Variants in FAM13A observed in about 807,000 individuals in gnomAD.
The protein encoded by FAM13A is protein FAM13A.
In FAM13A, 76 loss-of-function variants were observed where a neutral mutation model predicts 129.6. That is an observed-to-expected ratio of 0.59 (90% CI 0.49 to 0.71). FAM13A has a LOEUF of 0.71. FAM13A is among the 30% of genes least tolerant of loss of function. The pLI, the probability that FAM13A is intolerant of heterozygous loss-of-function variation, is 0.00. For synonymous variants in FAM13A, 443 were observed against 449.9 expected (o/e 0.98, Z 0.20); for missense variants, 1,108 against 1,249.3 (o/e 0.89, Z 1.70).
intron 5 of FAM13A, among the ~76,000 whole-genome samples, chr4:88,913,407 A>G (rs914658535): frequency 3.5e-5 from 5 of 143,800 alleles, no homozygotes; most frequent in Admixed American, 2.8e-4. Context: ...AAGAAGAAGA[A>G]GTAGTAGAAG....
intron 4 of FAM13A, among the ~76,000 whole-genome samples, chr4:88,944,239 C>G (rs1483198485): frequency 6.6e-6 from 1 of 152,152 alleles, no homozygotes; most frequent in Non-Finnish European, 1.5e-5. Flanking sequence ...ATGGTTCCAG[C>G]TACCCAGGAG....
chr4:89,034,926 T>G (rs1769172474), intron 1 of FAM13A, among the ~76,000 whole-genome samples: 1 of 152,132 alleles, frequency 6.6e-6, no homozygotes. Flanking sequence ...ATATATGTGC[T>G]CATATGTTTA....
chr4:89,011,284 G>A (rs1765698987), intron 3 of FAM13A, among the ~76,000 whole-genome samples: 1 of 152,162 alleles, frequency 6.6e-6, no homozygotes, highest in Admixed American at 6.5e-5. Flanking sequence ...ACTGGATAGT[G>A]GTGATGGTTG....
In FAM13A at chr4:88,851,013, T is replaced by C. The variant is rs201367284; in HGVS notation, c.1007+7A>G. ...ATGGATTGTGTAGATAAAGAAAACA[T>C]GCCAACCTGGGTACCAACTTGGCAC... is the stretch of plus-strand genomic sequence containing the variant. On this transcript the variant is annotated splice_region_variant and intron_variant, in intron 7 of 23. Coordinates refer to ENST00000264344, the MANE Select transcript of FAM13A (RefSeq NM_014883.4). 48 of 1,613,524 alleles carry C rather than the reference T, an allele frequency of 3.0e-5. No individual in the cohort carries two copies. The African/African-American group carries it at 6.3e-4, about 21-fold the overall frequency.
At chr4:88,934,820 T>A (rs1753595635) in intron 5 of FAM13A, among the ~76,000 whole-genome samples, 1 of 152,204 alleles carries the variant, frequency 6.6e-6, no homozygotes, top group Non-Finnish European at 1.5e-5. Flanking sequence ...TTTGCCAAAT[T>A]CAACAAAATG....
intron 19 of FAM13A, among the ~76,000 whole-genome samples, chr4:88,741,223 A>C (rs970540077): frequency 2.0e-5 from 3 of 152,232 alleles, no homozygotes; most frequent in Non-Finnish European, 2.9e-5. Flanking sequence ...CTATAATCCC[A>C]AACTGGAAAT....
chr4:89,029,735 T>C (rs1560874560), intron 1 of FAM13A, 86 bp from the exon 2 acceptor site: 4 of 1,142,912 alleles, frequency 3.5e-6, no homozygotes, highest in Non-Finnish European at 5.1e-6. Context: ...TGAATTAAAA[T>C]GTGTTTGAAG....
intron 8 of FAM13A, among the ~76,000 whole-genome samples, chr4:88,794,566 C>T (rs1725781799): frequency 6.6e-6 from 1 of 151,778 alleles, no homozygotes; most frequent in Admixed American, 6.6e-5. Context: ...AAAATGGAGA[C>T]ATCTTGAAAA....
At chr4:88,945,990 G>GTATATATATATATATATATATA (rs199936059) in intron 4 of FAM13A, among the ~76,000 whole-genome samples, 25 of 61,916 alleles carry the variant, frequency 4.0e-4, no homozygotes, top group South Asian at 6.1e-4. Context: ...GTGTGTGTGT[G>GTATATATATATATATATATATA]TATATATATA....
At chr4:88,953,841 C>G (rs1185987658) in intron 4 of FAM13A, among the ~76,000 whole-genome samples, 1 of 152,090 alleles carries the variant, frequency 6.6e-6, no homozygotes, top group Non-Finnish European at 1.5e-5. Flanking sequence ...ATTTGTTTGT[C>G]TATTCATTCA....
At chr4:88,885,317 T>C (rs750351302) in intron 6 of FAM13A, among the ~76,000 whole-genome samples, 15 of 152,080 alleles carry the variant, frequency 9.9e-5, no homozygotes, top group African/African-American at 3.6e-4. Flanking sequence ...AATAGGCACA[T>C]AGACCAATGA....
intron 7 of FAM13A, among the ~76,000 whole-genome samples, chr4:88,823,844 T>C (rs921265840): frequency 6.6e-6 from 1 of 152,232 alleles, no homozygotes; most frequent in Non-Finnish European, 1.5e-5. Context: ...ATACGTGCCC[T>C]AAGTCTCTGC....
intron 13 of FAM13A, chr4:88,759,527 A>G (rs1744382703): frequency 6.6e-6 from 1 of 152,208 alleles, no homozygotes; most frequent in Non-Finnish European, 1.5e-5. Flanking sequence ...CAAACAGCAC[A>G]GGGGATTGGC....
chr4:88,887,490 T>C (rs1200417042), intron 6 of FAM13A, among the ~76,000 whole-genome samples: 1 of 151,852 alleles, frequency 6.6e-6, no homozygotes, highest in East Asian at 1.9e-4. Flanking sequence ...AAAATAACTC[T>C]CTGGTAATTA....
intron 3 of FAM13A, among the ~76,000 whole-genome samples, chr4:89,006,226 A>C (rs1367139271): frequency 6.6e-6 from 1 of 152,090 alleles, no homozygotes; most frequent in Non-Finnish European, 1.5e-5. Context: ...ATAGGTGTGC[A>C]GCCTTATTTC....
chr4:89,048,972 A>G (rs1023057350), intron 1 of FAM13A, among the ~76,000 whole-genome samples: 1 of 152,262 alleles, frequency 6.6e-6, no homozygotes, highest in Non-Finnish European at 1.5e-5. Context: ...GAAAAGAACC[A>G]TATTGTAGGA....
chr4:88,798,505 A>C (rs900650214), intron 8 of FAM13A, among the ~76,000 whole-genome samples: 13 of 152,200 alleles, frequency 8.5e-5, no homozygotes, highest in Admixed American at 2.6e-4. Context: ...AGGAAATGTC[A>C]CTAGCTTTTC....
chr4:88,948,145 G>T (rs1232580567), intron 4 of FAM13A, among the ~76,000 whole-genome samples: 1 of 152,140 alleles, frequency 6.6e-6, no homozygotes, highest in East Asian at 1.9e-4. Flanking sequence ...GCAGAAAAGA[G>T]CAGAGCTCTT....
chr4:88,793,838 A>G (rs1725654726), intron 8 of FAM13A, among the ~76,000 whole-genome samples: 1 of 152,038 alleles, frequency 6.6e-6, no homozygotes, highest in Non-Finnish European at 1.5e-5. Flanking sequence ...ATTAGATTCC[A>G]AAATAACTTT....
Sources: gnomAD v4.1 joint callset for allele counts (sites outside exome capture counted in the v4.1 genomes callset) on GRCh38, gnomAD v4.1.1 for gene constraint, MANE v1.5 for transcripts, NCBI Gene and HGNC (gene_info 2026-07-23, HGNC 2026-07-21) for gene names.